Variants in AKAP3 observed in about 807,000 individuals in gnomAD.
AKAP3 encodes the protein A-kinase anchor protein 3.
Under a neutral mutation model 57.2 loss-of-function variants are expected in AKAP3, and 27 were observed. The ratio of observed to expected loss-of-function variants is 0.47; its 90% CI spans 0.35 to 0.65. AKAP3 has a LOEUF of 0.65. Ranked by LOEUF, AKAP3 falls within the 30% of genes least tolerant of loss-of-function variation. AKAP3 has a pLI of 0.01. For synonymous variants in AKAP3, 334 were observed against 392.3 expected (o/e 0.85, Z 1.76); for missense variants, 959 against 1,040.0 (o/e 0.92, Z 1.07).
chr12:4,638,030 G>T, intron 4 of AKAP3, 71 bp downstream of exon 4: 1 of 1,264,138 alleles, frequency 7.9e-7, no homozygotes, highest in Non-Finnish European at 1.2e-6. Context: ...GTATGGTGGA[G>T]AGAATAAGGC....
In AKAP3 at chr12:4,615,913, C is replaced by T; in HGVS notation, c.2407-19G>A. On this transcript the variant is annotated intron_variant, in intron 5 of 5. Coordinates refer to ENST00000228850, the MANE Select transcript of AKAP3 (RefSeq NM_001278309.2). ...GAAGTAGCTGTGAAAGGAAAGAAAA[C>T]ACCAGTGGTGAGGCACAGCATCTCA... is the stretch of plus-strand genomic sequence containing the variant. 3.1e-6 allele frequency: 5 copies of T among 1,614,044 alleles called. No individual in the cohort carries two copies. The highest frequency in any genetic ancestry group is 1.7e-4 in the Middle Eastern group (1 of 6,058).
intron 5 of AKAP3, among the ~76,000 whole-genome samples, chr12:4,620,542 A>G (rs1945335042): frequency 6.6e-6 from 1 of 152,016 alleles, no homozygotes; most frequent in Admixed American, 6.5e-5. Context: ...ATGAATTCAA[A>G]ATGTATTAAA....
intron 4 of AKAP3, among the ~76,000 whole-genome samples, chr12:4,632,818 T>G (rs1310970243): frequency 6.6e-6 from 1 of 152,010 alleles, no homozygotes; most frequent in African/African-American, 2.4e-5. Context: ...TTTTTTATAT[T>G]TTTAGTAGAG....
rs749617205 is a variant in AKAP3 at position 4,628,706 on chromosome 12, A to G, written c.196T>C (p.Ser66Pro). The G allele has an allele frequency of 6.2e-7, 1 of 1,614,152 alleles. No individual in the cohort carries two copies. Among genetic ancestry groups the G allele is most frequent in the South Asian group, 1.1e-5 (1 of 91,078 alleles). Residue 66 changes from serine (S) to proline (P), a missense_variant, in exon 5 of 6, where the codon TCA becomes CCA. By Grantham distance (74) the Ser-to-Pro change is moderately conservative (BLOSUM62 -1). Coordinates refer to ENST00000228850, the MANE Select transcript of AKAP3 (RefSeq NM_001278309.2). ...GAGTTGGACGTTTCCCCACCAAATG[A>G]TTCTCCGGGTTTGAACCGAACATCT... The part of the protein sequence containing the change: ...FQDVRFKPGE[S>P]FGGETSNSGD...
chr12:4,630,137 T>C (rs1945479200), intron 4 of AKAP3, among the ~76,000 whole-genome samples: 2 of 152,238 alleles, frequency 1.3e-5, no homozygotes, highest in African/African-American at 4.8e-5. Flanking sequence ...CCACAGATAT[T>C]ACCCACCTTT....
chr12:4,635,433 G>T, intron 4 of AKAP3: 1 of 729,430 alleles, frequency 1.4e-6, no homozygotes, highest in Non-Finnish European at 2.4e-6. Context: ...TGGATTTTGT[G>T]GTTCATTCTT....
intron 2 of AKAP3, among the ~76,000 whole-genome samples, chr12:4,642,455 A>G (rs1322223095): frequency 6.6e-6 from 1 of 152,226 alleles, no homozygotes; most frequent in Non-Finnish European, 1.5e-5. Context: ...GAGTTCATAG[A>G]TATCTTCCAG....
intron 5 of AKAP3, among the ~76,000 whole-genome samples, chr12:4,618,997 T>C (rs1945316326): frequency 6.6e-6 from 1 of 152,208 alleles, no homozygotes; most frequent in Non-Finnish European, 1.5e-5. Flanking sequence ...AACCAAATTA[T>C]GGGTGAAAGG....
intron 3 of AKAP3, among the ~76,000 whole-genome samples, chr12:4,639,146 A>C (rs999743754): frequency 6.6e-6 from 1 of 152,186 alleles, no homozygotes; most frequent in Non-Finnish European, 1.5e-5. Context: ...AGTCTCACAC[A>C]CTTTCCACAA....
chr12:4,639,814 C>CTTTTT (rs34820221), intron 3 of AKAP3, among the ~76,000 whole-genome samples: 7 of 111,104 alleles, frequency 6.3e-5, no homozygotes, highest in Admixed American at 1.0e-4. Context: ...ATTTTCTTGT[C>CTTTTT]TTTTTTTTTT....
chr12:4,619,525 C>T lies in AKAP3; in HGVS notation c.2407-3631G>A, dbSNP rs150083832. Among the ~76,000 whole-genome samples the T allele has an allele frequency of 5.1e-3, 771 of 152,070 alleles. 8 individuals are homozygous for T. The highest frequency in any genetic ancestry group is 6.5e-3 in the Non-Finnish European group (440 of 67,988). On this transcript the variant is annotated intron_variant, in intron 5 of 5. Coordinates refer to ENST00000228850, the MANE Select transcript of AKAP3 (RefSeq NM_001278309.2). ...GTGACTATGATTATGCCACTGCACTCCAGCCTGGGCAAGAGAGGGAGACCC... is the reference window on the plus strand; with the variant it reads ...GTGACTATGATTATGCCACTGCACTTCAGCCTGGGCAAGAGAGGGAGACCC...
chr12:4,629,285 C>CT (rs1209709857), intron 4 of AKAP3, among the ~76,000 whole-genome samples: 3 of 152,154 alleles, frequency 2.0e-5, no homozygotes, highest in Non-Finnish European at 4.4e-5. Flanking sequence ...TGATATCATT[C>CT]TTTTTTTATG....
chr12:4,642,416 G>A (rs1397746744), intron 2 of AKAP3, among the ~76,000 whole-genome samples: 1 of 152,186 alleles, frequency 6.6e-6, no homozygotes, highest in Admixed American at 6.5e-5. Flanking sequence ...GAGGACTTGA[G>A]AGAAATACAC....
chr12:4,640,052 G>A lies in AKAP3; in HGVS notation c.-1+1847C>T, dbSNP rs189409233. ...AGGATGGTCTTGATCTCCTGACCTC[G>A]TGATCCACCCGCCTCGGCCTCCCAA... On this transcript the variant is annotated intron_variant, in intron 3 of 5. Coordinates refer to ENST00000228850, the MANE Select transcript of AKAP3 (RefSeq NM_001278309.2). Among the ~76,000 whole-genome samples the A allele has an allele frequency of 9.2e-3, 1,393 of 152,070 alleles. 18 individuals carry two copies. Among genetic ancestry groups the A allele is most frequent in the African/African-American group, 0.031 (1,300 of 41,500 alleles).
intron 5 of AKAP3, 126 bp from the exon 6 acceptor site, chr12:4,616,020 T>G (rs532847820): frequency 1.7e-6 from 2 of 1,167,800 alleles, no homozygotes; most frequent in South Asian, 3.1e-5. Context: ...ACTTTAAAGT[T>G]TGCTGGCCTG....
intron 4 of AKAP3, among the ~76,000 whole-genome samples, chr12:4,633,264 A>G (rs933731161): frequency 6.6e-6 from 1 of 151,954 alleles, no homozygotes; most frequent in African/African-American, 2.4e-5. Flanking sequence ...TCTCTACAAA[A>G]AATATATTTT....
intron 5 of AKAP3, among the ~76,000 whole-genome samples, chr12:4,617,948 T>C (rs189044718): frequency 9.9e-5 from 15 of 152,242 alleles, no homozygotes; most frequent in Admixed American, 8.5e-4. Flanking sequence ...GAGAAGTTGG[T>C]ATGTACATTG....
intron 2 of AKAP3, among the ~76,000 whole-genome samples, chr12:4,644,229 T>C (rs1945671406): frequency 6.6e-6 from 1 of 152,216 alleles, no homozygotes. Flanking sequence ...TTAGTATAGA[T>C]ACTTTCACCA....
At chr12:4,641,062 C>CTTTTTTTTTTTTTTT (rs374817430) in intron 3 of AKAP3, among the ~76,000 whole-genome samples, 1 of 68,698 alleles carries the variant, frequency 1.5e-5, no homozygotes, top group African/African-American at 5.8e-5. Context: ...TTCTAACTTC[C>CTTTTTTTTTTTTTTT]TTTTTTTTTT....
Sources: gnomAD v4.1 joint callset for allele counts (sites outside exome capture counted in the v4.1 genomes callset) on GRCh38, gnomAD v4.1.1 for gene constraint, MANE v1.5 for transcripts, NCBI Gene and HGNC (gene_info 2026-07-23, HGNC 2026-07-21) for gene names.